Variants in GREB1L observed in about 807,000 individuals in gnomAD.
GREB1L encodes the protein GREB1 like retinoic acid receptor coactivator, also known as GREB1-like protein.
A neutral mutation model predicts 200.8 loss-of-function variants in GREB1L; 17 were observed. That is an observed-to-expected ratio of 0.08 (90% confidence interval 0.06 to 0.13). The LOEUF is 0.13. Among genes scored for constraint, GREB1L ranks in the 10% least tolerant of loss-of-function variants. GREB1L has a pLI of 1.00. For synonymous variants in GREB1L, 789 were observed against 893.0 expected (o/e 0.88, Z 2.08); for missense variants, 1,657 against 2,367.7 (o/e 0.70, Z 6.23).
chr18:21,449,941 G>GATTA, intron 12 of GREB1L, 105 bp downstream of exon 12: 1 of 873,680 alleles, frequency 1.1e-6, no homozygotes, highest in Non-Finnish European at 1.7e-6. Context: ...ATCAACCTCT[G>GATTA]ATTAATTGCT....
At chr18:21,426,729 C>T (rs1255909418) in intron 7 of GREB1L, among the ~76,000 whole-genome samples, 4 of 151,944 alleles carry the variant, frequency 2.6e-5, no homozygotes, top group Admixed American at 6.6e-5. Flanking sequence ...GAGGCAGAGG[C>T]GGGCGGATCA....
chr18:21,399,495 A>ATG (rs1567979089), intron 5 of GREB1L, among the ~76,000 whole-genome samples: 15 of 63,224 alleles, frequency 2.4e-4, no homozygotes, highest in Admixed American at 6.9e-4. Flanking sequence ...ATGGATGGAT[A>ATG]GATGGATGGG....
chr18:21,374,006 C>CT (rs941886511), intron 2 of GREB1L, among the ~76,000 whole-genome samples: 115 of 148,992 alleles, frequency 7.7e-4, no homozygotes, highest in African/African-American at 2.3e-3. Flanking sequence ...TTCATTAGTT[C>CT]TTTTTTTTTT....
At chr18:21,486,582 G>C (rs1295214946) in intron 18 of GREB1L, among the ~76,000 whole-genome samples, 2 of 152,012 alleles carry the variant, frequency 1.3e-5, no homozygotes, top group Non-Finnish European at 2.9e-5. Flanking sequence ...TCCTCCTCCA[G>C]TCCCTGGCCT....
At chr18:21,349,647 T>A (rs1310785010) in intron 1 of GREB1L, among the ~76,000 whole-genome samples, 1 of 151,998 alleles carries the variant, frequency 6.6e-6, no homozygotes, top group African/African-American at 2.4e-5. Flanking sequence ...AAACCTATCA[T>A]GAACTGTGTG....
chr18:21,451,956 G>C, intron 13 of GREB1L, 127 bp from the exon 14 acceptor site: 1 of 760,118 alleles, frequency 1.3e-6, no homozygotes, highest in Non-Finnish European at 2.1e-6. Flanking sequence ...AAGTGTAAAT[G>C]CTGATATGAA....
chr18:21,319,090 A>C (rs1198470070), intron 1 of GREB1L, among the ~76,000 whole-genome samples: 1 of 152,170 alleles, frequency 6.6e-6, no homozygotes, highest in Non-Finnish European at 1.5e-5. Context: ...TGTGGAAGAG[A>C]GGAGAGCAAG....
At chr18:21,252,887 A>G (rs1378111848) in intron 1 of GREB1L, among the ~76,000 whole-genome samples, 2 of 152,206 alleles carry the variant, frequency 1.3e-5, no homozygotes, top group African/African-American at 4.8e-5. Context: ...AAGTTTTATT[A>G]AAGCTATAAA....
At chr18:21,429,848 G>A (rs930258933) in intron 7 of GREB1L, among the ~76,000 whole-genome samples, 3 of 152,054 alleles carry the variant, frequency 2.0e-5, no homozygotes, top group Admixed American at 6.5e-5. Flanking sequence ...ATTAGTTTGC[G>A]AGGGCTGCCT....
At chr18:21,371,607 G>A (rs1162008189) in intron 2 of GREB1L, among the ~76,000 whole-genome samples, 1 of 151,722 alleles carries the variant, frequency 6.6e-6, no homozygotes, top group Non-Finnish European at 1.5e-5. Context: ...CTTACATGGT[G>A]AAACCCTGTC....
Position 21,522,853 on chromosome 18 carries a change from G to A in GREB1L, c.*32G>A. The A allele has an allele frequency of 6.6e-7, 1 of 1,518,056 alleles. No individual in the cohort carries two copies. The highest frequency in any genetic ancestry group is 8.9e-7 in the Non-Finnish European group (1 of 1,128,688). 94.0% of individuals were successfully genotyped at this position (1,518,056 alleles called of 1,614,324 possible). ...GAAGAGACCAAAACAGCAAAAAGAT[G>A]CCTAGGTGGGATGGGACAGAAACAA... On this transcript the variant is annotated 3_prime_UTR_variant, in exon 33 of 33. Transcript: ENST00000424526.
At chr18:21,295,121 T>G (rs1365015788) in intron 1 of GREB1L, among the ~76,000 whole-genome samples, 1 of 152,248 alleles carries the variant, frequency 6.6e-6, no homozygotes, top group Non-Finnish European at 1.5e-5. Context: ...AAAATGTCTC[T>G]TCTTTTTCTG....
chr18:21,309,392 G>A (rs2038755320), intron 1 of GREB1L, among the ~76,000 whole-genome samples: 1 of 152,160 alleles, frequency 6.6e-6, no homozygotes, highest in Non-Finnish European at 1.5e-5. Flanking sequence ...CTGCCCAGTT[G>A]GGAAGGCCTC....
rs1222603636 is a variant in GREB1L at position 21,473,109 on chromosome 18, A to G, written c.2261A>G (p.Asn754Ser). 1 of 1,551,116 alleles carries G rather than the reference A, an allele frequency of 6.4e-7. No homozygotes were observed. Among genetic ancestry groups the G allele is most frequent in the Admixed American group, 2.0e-5 (1 of 50,982 alleles). Reference sequence around the variant, plus strand: ...GAAAAATATGTTGTTCGTCTAGACAATGAGATTCAAACCAAGTTTGAAGTT... The same window carrying G: ...GAAAAATATGTTGTTCGTCTAGACAGTGAGATTCAAACCAAGTTTGAAGTT... ...RAEKYVVRLDNEIQTKFEVFM... is the reference protein window; with the variant it reads ...RAEKYVVRLDSEIQTKFEVFM... The change falls in exon 16 of 33, where the codon AAT (asparagine) becomes AGT (serine). Residue 754 changes from asparagine (N) to serine (S), a missense_variant. Physicochemically the swap from Asn to Ser is conservative, Grantham distance 46. Around this residue, in one of 9 missense-constraint regions of GREB1L, gnomAD observed 239 missense variants for 421.8 expected, o/e 0.57. Coordinates refer to ENST00000424526, the MANE Select transcript of GREB1L (RefSeq NM_001142966.3).
At position 21,403,831 on chromosome 18, in the gene GREB1L, C is replaced by T. The variant is rs763266887; in HGVS notation, c.710-41C>T. ...GTCCCCATCACCTGTTTTAACAGAA[C>T]ATTGGTCACTTCATACAATGTGATT... On this transcript the variant is annotated intron_variant, in intron 6 of 32. Coordinates refer to ENST00000424526, the MANE Select transcript of GREB1L (RefSeq NM_001142966.3). 12 of 1,530,422 alleles carry T rather than the reference C, an allele frequency of 7.8e-6. No individual in the cohort carries two copies. The South Asian group carries it at 1.2e-4, about 15-fold the overall frequency. The allele number at this position is 1,530,422 out of a possible 1,614,324, so 94.8% of individuals were successfully genotyped here. A position where few individuals can be genotyped will look rare whatever the true frequency, so the allele number is the denominator to read the frequency against.
chr18:21,469,504 C>T (rs2035398001), intron 15 of GREB1L, among the ~76,000 whole-genome samples: 1 of 152,134 alleles, frequency 6.6e-6, no homozygotes, highest in Non-Finnish European at 1.5e-5. Flanking sequence ...TCTGCCTCAA[C>T]ACTGGGATTA....
At chr18:21,280,409 T>C (rs1247765951) in intron 1 of GREB1L, among the ~76,000 whole-genome samples, 1 of 151,848 alleles carries the variant, frequency 6.6e-6, no homozygotes, top group East Asian at 1.9e-4. Flanking sequence ...TTTTTTTTAC[T>C]GAATAATATT....
At chr18:21,350,054 T>C (rs1408341863) in intron 1 of GREB1L, among the ~76,000 whole-genome samples, 1 of 152,128 alleles carries the variant, frequency 6.6e-6, no homozygotes, top group Non-Finnish European at 1.5e-5. Context: ...ATAGTACTTT[T>C]TTCCTACTTC....
chr18:21,495,929 C>G, intron 20 of GREB1L, 144 bp downstream of exon 20: 1 of 537,606 alleles, frequency 1.9e-6, no homozygotes, highest in Non-Finnish European at 3.2e-6. Flanking sequence ...AGAAATACAG[C>G]CATACAACCT....
Sources: allele counts gnomAD v4.1 joint callset (sites outside exome capture counted in the v4.1 genomes callset), GRCh38; gene constraint gnomAD v4.1.1; regional missense constraint gnomAD v4.1.1; transcripts MANE v1.5; gene names NCBI Gene and HGNC (gene_info 2026-07-23, HGNC 2026-07-21).